The following MMD variants were observed in gnomAD, a reference collection of about 807,000 sequenced individuals.
MMD encodes the protein monocyte to macrophage differentiation associated, also known as monocyte to macrophage differentiation factor.
MMD carries 22 observed loss-of-function variants against 33.6 expected under a neutral mutation model. The observed-to-expected ratio is 0.66, with a 90% CI of 0.47 to 0.94. The LOEUF is 0.94. MMD is among the 40% of genes least tolerant of loss of function. The pLI, the probability that MMD is intolerant of heterozygous loss-of-function variation, is 0.00. For missense variants in MMD, 242 were observed against 309.8 expected, an observed-to-expected ratio of 0.78 and a Z score of 1.64; for synonymous variants, 97 against 103.2, an observed-to-expected ratio of 0.94 and a Z score of 0.36.
chr17:55,414,124 T>C (rs371132464), intron 2 of MMD, 27 bp downstream of exon 2: 5 of 1,606,618 alleles, frequency 3.1e-6, no homozygotes, highest in Non-Finnish European at 4.3e-6. Flanking sequence ...GTGGAAAGGA[T>C]GGCAATGGTG....
At chr17:55,407,721 C>A (rs766350312) in intron 4 of MMD, 25 bp downstream of exon 4, 2 of 1,582,152 alleles carry the variant, frequency 1.3e-6, no homozygotes, top group Middle Eastern at 1.7e-4. Flanking sequence ...TCACTACCTT[C>A]GAAAATAGGA....
chr17:55,407,730 G>C lies in MMD; in HGVS notation c.344+16C>G. On this transcript the variant is annotated intron_variant, in intron 4 of 6. Transcript: ENST00000262065. ...ATAAAATCACTACCTTCGAAAATAG[G>C]AAGACTGTATCTTACCATGGAGCAT... The C allele has an allele frequency of 1.9e-6, 3 of 1,586,510 alleles. No homozygotes were observed. Among genetic ancestry groups the C allele is most frequent in the Non-Finnish European group, 2.6e-6 (3 of 1,166,672 alleles).
chr17:55,411,768 T>C (rs1907774386), intron 2 of MMD, among the ~76,000 whole-genome samples: 1 of 152,068 alleles, frequency 6.6e-6, no homozygotes, highest in African/African-American at 2.4e-5. Context: ...TTTAGAGTAA[T>C]TACTTAAAAT....
chr17:55,394,417 C>G lies in MMD; in HGVS notation c.634G>C (p.Val212Leu). Reference sequence around the variant, plus strand: ...TAATGCACTGCAGCTGCCGTGGCCACAAACAGGTGCCAGATGGCGTGGGCA... The same window carrying G: ...TAATGCACTGCAGCTGCCGTGGCCAGAAACAGGTGCCAGATGGCGTGGGCA... ...PFAHAIWHLF[V>L]ATAAAVHYYA... The change falls in exon 7 of 7, where the codon GTG becomes CTG. Residue 212 changes from valine to leucine, a missense_variant. Physicochemically the swap from Val to Leu is conservative, Grantham distance 32. Transcript: ENST00000262065. The G allele has an allele frequency of 6.6e-7, 1 of 1,509,944 alleles. No homozygotes were observed. Among genetic ancestry groups the G allele is most frequent in the Non-Finnish European group, 8.8e-7 (1 of 1,134,416 alleles). 93.5% of individuals were successfully genotyped at this position (1,509,944 alleles called of 1,614,324 possible). A position where few individuals can be genotyped will look rare whatever the true frequency, so the allele number is the denominator to read the frequency against.
intron 3 of MMD, 49 bp from the exon 4 acceptor site, chr17:55,407,869 G>T: frequency 7.4e-7 from 1 of 1,352,016 alleles, no homozygotes; most frequent in Non-Finnish European, 1.0e-6. Context: ...GTTCAGATGG[G>T]AAGTACGGGT....
rs143391837 is a variant in MMD at position 55,408,955 on chromosome 17, C to T, written c.270-1135G>A. Among the ~76,000 whole-genome samples the T allele has an allele frequency of 8.2e-3, 1,240 of 152,120 alleles. 9 individuals are homozygous for T. The highest frequency in any genetic ancestry group is 0.013 in the Non-Finnish European group (884 of 67,998). Reference sequence around the variant, plus strand: ...GGCGGAGGTGGCAGTGAGCTGAGATCGCACCACTGCACTACAGTCTGGGCA... The same window carrying T: ...GGCGGAGGTGGCAGTGAGCTGAGATTGCACCACTGCACTACAGTCTGGGCA... On this transcript the variant is annotated intron_variant, in intron 3 of 6. Coordinates refer to ENST00000262065, the MANE Select transcript of MMD (RefSeq NM_012329.3).
intron 5 of MMD, among the ~76,000 whole-genome samples, chr17:55,402,097 AAAAAAAAGAAAAG>A (rs1408048891): frequency 1.3e-5 from 2 of 151,612 alleles, no homozygotes; most frequent in Non-Finnish European, 2.9e-5. Flanking sequence ...CAAAAAAAAA[AAAAAAAAGAAAAG>A]AAAAAAAAAA....
intron 6 of MMD, among the ~76,000 whole-genome samples, chr17:55,394,780 C>G (rs1907040755): frequency 6.6e-6 from 1 of 152,218 alleles, no homozygotes; most frequent in Non-Finnish European, 1.5e-5. Context: ...AATGAAAAAG[C>G]AGAACATTCT....
intron 6 of MMD, among the ~76,000 whole-genome samples, chr17:55,400,504 G>C (rs575886275): frequency 6.6e-6 from 1 of 150,394 alleles, no homozygotes; most frequent in East Asian, 1.9e-4. Context: ...AGCCAAGATC[G>C]CTCTACTGCA....
intron 4 of MMD, chr17:55,404,644 A>T: frequency 2.0e-6 from 2 of 985,368 alleles, no homozygotes; most frequent in Non-Finnish European, 2.4e-6. Flanking sequence ...GCCAAGAGAG[A>T]GTATGAGAAG....
intron 2 of MMD, among the ~76,000 whole-genome samples, chr17:55,411,997 G>A (rs1907784596): frequency 6.6e-6 from 1 of 152,002 alleles, no homozygotes; most frequent in African/African-American, 2.4e-5. Context: ...AGACTGCTTG[G>A]GCCTGAAAGG....
intron 1 of MMD, among the ~76,000 whole-genome samples, chr17:55,415,648 T>G (rs1196462735): frequency 6.6e-6 from 1 of 152,074 alleles, no homozygotes; most frequent in African/African-American, 2.4e-5. Flanking sequence ...ATCAAATAAA[T>G]AAAAATAAAG....
Position 55,394,373 on chromosome 17 carries a change from G to A in MMD, c.678C>T (p.Tyr226=), listed in dbSNP as rs1362336561. ...TAAAGTCCGTAGGACTTCGGTAAAG[G>A]TATTTCCAAATGGCGTAGTAATGCA... ...AAVHYYAIWK[Y]LYRSPTDFMR... The change falls in exon 7 of 7, where the codon TAC becomes TAT. Residue 226 remains tyrosine, a synonymous_variant. Coordinates refer to ENST00000262065, the MANE Select transcript of MMD (RefSeq NM_012329.3). The A allele has an allele frequency of 7.0e-7, 1 of 1,425,026 alleles. No homozygotes were observed. The highest frequency in any genetic ancestry group is 9.2e-7 in the Non-Finnish European group (1 of 1,086,586). The allele number at this position is 1,425,026 out of a possible 1,614,324, so 88.3% of individuals were successfully genotyped here. A position where few individuals can be genotyped will look rare whatever the true frequency, so the allele number is the denominator to read the frequency against.
intron 5 of MMD, 60 bp downstream of exon 5, chr17:55,403,707 T>A: frequency 8.4e-7 from 1 of 1,196,912 alleles, no homozygotes; most frequent in Non-Finnish European, 1.2e-6. Context: ...TGTATTGCAG[T>A]GCAGATAATA....
intron 4 of MMD, among the ~76,000 whole-genome samples, chr17:55,407,155 C>T (rs2143139635): frequency 6.6e-6 from 1 of 152,082 alleles, no homozygotes; most frequent in Admixed American, 6.5e-5. Context: ...ATGGTGAAAC[C>T]CCGTCTCTAC....
chr17:55,402,183 C>T (rs1907370868), intron 5 of MMD, among the ~76,000 whole-genome samples: 1 of 151,954 alleles, frequency 6.6e-6, no homozygotes, highest in African/African-American at 2.4e-5. Flanking sequence ...AATATTTCCT[C>T]TTCTGATCCT....
At chr17:55,399,587 C>A (rs1036653322) in intron 6 of MMD, among the ~76,000 whole-genome samples, 1 of 152,236 alleles carries the variant, frequency 6.6e-6, no homozygotes, top group Non-Finnish European at 1.5e-5. Flanking sequence ...GTATTCTCTA[C>A]CTGTAACACT....
intron 2 of MMD, among the ~76,000 whole-genome samples, 191 bp downstream of exon 2, chr17:55,413,960 G>A (rs758060213): frequency 1.3e-5 from 2 of 152,308 alleles, no homozygotes; most frequent in East Asian, 3.9e-4. Context: ...GCTGACTGTA[G>A]GTTAGAACAC....
intron 3 of MMD, among the ~76,000 whole-genome samples, chr17:55,409,927 C>G (rs544298545): frequency 6.6e-6 from 1 of 152,312 alleles, no homozygotes; most frequent in South Asian, 2.1e-4. Context: ...AGGACAGGCA[C>G]TTTTGTGGTT....
Sources: gnomAD v4.1 joint callset for allele counts (sites outside exome capture counted in the v4.1 genomes callset) on GRCh38, gnomAD v4.1.1 for gene constraint, MANE v1.5 for transcripts, NCBI Gene and HGNC (gene_info 2026-07-23, HGNC 2026-07-21) for gene names.